Variants in FHIT observed in about 807,000 individuals in gnomAD.
FHIT encodes fragile histidine triad diadenosine triphosphatase, also known as bis(5'-adenosyl)-triphosphatase.
Under a neutral mutation model 17.9 loss-of-function variants are expected in FHIT, and 19 were observed. The ratio of observed to expected loss-of-function variants is 1.06; its 90% CI spans 0.74 to 1.56. The LOEUF (loss-of-function observed/expected upper bound fraction) is 1.56, where lower values mean the gene tolerates loss of function less well. Ranked by LOEUF, FHIT falls within the 40% of genes most tolerant of loss-of-function variation. FHIT has a pLI of 0.00. For missense variants in FHIT, 248 were observed against 189.2 expected (o/e 1.31, Z -1.82); for synonymous variants, 81 against 69.7 (o/e 1.16, Z -0.81).
intron 5 of FHIT, among the ~76,000 whole-genome samples, chr3:60,050,745 C>T (rs1044547213): frequency 2.0e-5 from 3 of 152,172 alleles, no homozygotes; most frequent in African/African-American, 7.2e-5. Context: ...AGTTTATGAG[C>T]TCCTTACGGA....
intron 5 of FHIT, among the ~76,000 whole-genome samples, chr3:60,133,963 GTTTA>G (rs1180075936): frequency 3.6e-4 from 54 of 151,686 alleles, no homozygotes; most frequent in Non-Finnish European, 1.5e-5. Flanking sequence ...GGAATCCTAG[GTTTA>G]TTTATTACTG....
chr3:60,480,160 G>T (rs1255363252), intron 5 of FHIT, among the ~76,000 whole-genome samples: 1 of 152,240 alleles, frequency 6.6e-6, no homozygotes, highest in South Asian at 2.1e-4. Flanking sequence ...AGGAGAGAAA[G>T]AGAGAGAAAA....
At chr3:60,932,033 G>A (rs896108723) in intron 3 of FHIT, among the ~76,000 whole-genome samples, 1 of 152,158 alleles carries the variant, frequency 6.6e-6, no homozygotes, top group Non-Finnish European at 1.5e-5. Context: ...GTCCCAGTCT[G>A]CCAGGGTAAG....
At chr3:60,125,769 C>G (rs1254762532) in intron 5 of FHIT, among the ~76,000 whole-genome samples, 2 of 151,998 alleles carry the variant, frequency 1.3e-5, no homozygotes, top group South Asian at 4.2e-4. Flanking sequence ...GGGAGGACTG[C>G]ATTTGGCTTT....
At chr3:60,681,870 G>T (rs1315035280) in intron 4 of FHIT, among the ~76,000 whole-genome samples, 2 of 152,042 alleles carry the variant, frequency 1.3e-5, no homozygotes, top group Non-Finnish European at 2.9e-5. Context: ...GCCATCTCCA[G>T]AACATAAAAG....
intron 3 of FHIT, among the ~76,000 whole-genome samples, chr3:60,954,381 C>T (rs781986506): frequency 5.3e-5 from 8 of 152,186 alleles, no homozygotes; most frequent in East Asian, 1.9e-4. Flanking sequence ...TCATAAATGA[C>T]GAACAAGGAA....
chr3:60,362,682 C>G (rs1162042003), intron 5 of FHIT, among the ~76,000 whole-genome samples: 3 of 152,236 alleles, frequency 2.0e-5, no homozygotes, highest in East Asian at 1.9e-4. Context: ...CAGAGCTGAA[C>G]ACCTCACCTA....
chr3:59,777,705 T>G (rs1702393495), intron 8 of FHIT, among the ~76,000 whole-genome samples: 1 of 152,144 alleles, frequency 6.6e-6, no homozygotes, highest in South Asian at 2.1e-4. Context: ...CTTCTAACTC[T>G]AATGTCATGC....
intron 3 of FHIT, among the ~76,000 whole-genome samples, chr3:60,827,320 A>C (rs555098522): frequency 4.7e-4 from 71 of 152,328 alleles, no homozygotes; most frequent in African/African-American, 1.7e-3. Context: ...TGAAACTAGA[A>C]GGCAGGAGGC....
intron 5 of FHIT, among the ~76,000 whole-genome samples, chr3:60,298,995 C>T (rs1040593300): frequency 1.3e-5 from 2 of 152,064 alleles, no homozygotes; most frequent in Non-Finnish European, 2.9e-5. Context: ...AATCCATAAC[C>T]AATCAAATTA....
rs146322298 is a variant in FHIT at position 60,311,405 on chromosome 3, A to C, written c.103+225455T>G. Among the ~76,000 whole-genome samples, 746 of 152,258 alleles carry C rather than the reference A, an allele frequency of 4.9e-3. 6 individuals are homozygous for C. The highest frequency in any genetic ancestry group is 0.017 in the African/African-American group (708 of 41,566). ...CTCAGGGTACTGCATCAGGAGACAC[A>C]CACATATCTCTTTGCTCATGAATGG... On this transcript the variant is annotated intron_variant, in intron 5 of 9. Transcript: ENST00000492590.
chr3:60,266,885 A>C (rs997015086), intron 5 of FHIT, among the ~76,000 whole-genome samples: 1 of 152,082 alleles, frequency 6.6e-6, no homozygotes, highest in Non-Finnish European at 1.5e-5. Flanking sequence ...TATTTACAAA[A>C]CCAAGCAAAT....
chr3:60,292,815 A>T (rs1327801358), intron 5 of FHIT, among the ~76,000 whole-genome samples: 1 of 152,156 alleles, frequency 6.6e-6, no homozygotes, highest in African/African-American at 2.4e-5. Context: ...CATAAAATGA[A>T]ATTGAAATGT....
chr3:60,523,017 G>C (rs916059129), intron 5 of FHIT, among the ~76,000 whole-genome samples: 13 of 152,092 alleles, frequency 8.5e-5, no homozygotes, highest in African/African-American at 2.9e-4. Context: ...CAGGCAAAAG[G>C]AAAAATGAGA....
chr3:59,981,105 C>T (rs1027188643), intron 7 of FHIT, among the ~76,000 whole-genome samples: 1 of 151,976 alleles, frequency 6.6e-6, no homozygotes, highest in Non-Finnish European at 1.5e-5. Flanking sequence ...AACACTGGGT[C>T]CATGGAGAAA....
chr3:59,970,520 G>A (rs1323386595), intron 7 of FHIT, among the ~76,000 whole-genome samples: 1 of 152,076 alleles, frequency 6.6e-6, no homozygotes, highest in East Asian at 1.9e-4. Context: ...ACGAGCAGCT[G>A]TGTTCTTATT....
chr3:60,771,971 A>G (rs2108075777), intron 4 of FHIT, among the ~76,000 whole-genome samples: 1 of 152,336 alleles, frequency 6.6e-6, no homozygotes, highest in Non-Finnish European at 1.5e-5. Flanking sequence ...AGGAGTGCCC[A>G]ATCCAGGCAA....
At chr3:60,382,714 G>T (rs969891907) in intron 5 of FHIT, among the ~76,000 whole-genome samples, 8 of 152,084 alleles carry the variant, frequency 5.3e-5, no homozygotes, top group Non-Finnish European at 1.2e-4. Context: ...CTTAGGAATT[G>T]TTTTTTGGAT....
intron 7 of FHIT, among the ~76,000 whole-genome samples, chr3:59,986,012 G>GA (rs942922444): frequency 7.3e-5 from 11 of 151,714 alleles, no homozygotes; most frequent in Admixed American, 3.9e-4. Context: ...ATGAGAGGAA[G>GA]AAAAAAAACT....
Sources: gnomAD v4.1 joint callset for allele counts (sites outside exome capture counted in the v4.1 genomes callset) on GRCh38, gnomAD v4.1.1 for gene constraint, MANE v1.5 for transcripts, NCBI Gene and HGNC (gene_info 2026-07-23, HGNC 2026-07-21) for gene names.